PARD3: variants seen among roughly 807,000 people sequenced by gnomAD.
PARD3 encodes par-3 family cell polarity regulator, also known as partitioning defective 3 homolog.
A neutral mutation model predicts 155.4 loss-of-function variants in PARD3; 75 were observed. The ratio of observed to expected loss-of-function variants is 0.48; its 90% CI spans 0.40 to 0.58. PARD3 has a LOEUF of 0.58. Ranked by LOEUF, PARD3 falls within the 20% of genes least tolerant of loss-of-function variation. PARD3 has a pLI of 0.00. For missense variants in PARD3, 1,642 were observed against 1,721.7 expected, an observed-to-expected ratio of 0.95 and a Z score of 0.82; for synonymous variants, 576 against 610.5, an observed-to-expected ratio of 0.94 and a Z score of 0.83.
intron 22 of PARD3, among the ~76,000 whole-genome samples, chr10:34,155,005 A>G (rs1948940774): frequency 1.3e-5 from 2 of 152,242 alleles, no homozygotes; most frequent in African/African-American, 4.8e-5. Flanking sequence ...AATAATAGAC[A>G]AGACATTAAG....
At chr10:34,526,517 G>A (rs1329756152) in intron 2 of PARD3, among the ~76,000 whole-genome samples, 1 of 152,184 alleles carries the variant, frequency 6.6e-6, no homozygotes, top group Non-Finnish European at 1.5e-5. Flanking sequence ...CACAAAAACA[G>A]AGCTGAGATC....
chr10:34,658,770 C>G (rs967288341), intron 2 of PARD3, among the ~76,000 whole-genome samples: 1 of 152,146 alleles, frequency 6.6e-6, no homozygotes, highest in Non-Finnish European at 1.5e-5. Flanking sequence ...GCAAAGGAGA[C>G]GTCTCCTCGA....
In PARD3 at chr10:34,318,761, T is replaced by G. The variant is rs114612158; in HGVS notation, c.2834-1423A>C. On this transcript the variant is annotated intron_variant, in intron 19 of 24. Transcript: ENST00000374788. ...TAATGCAAAAAACAAAGCTCAGAAT[T>G]TTTTTATTTTTTTTATTTTTTTGAG... Among the ~76,000 whole-genome samples, 404 of 152,080 alleles carry G rather than the reference T, an allele frequency of 2.7e-3. 2 individuals carry two copies. Among genetic ancestry groups the G allele is most frequent in the African/African-American group, 9.2e-3 (380 of 41,472 alleles).
chr10:34,373,984 T>G (rs567737902), intron 11 of PARD3, among the ~76,000 whole-genome samples: 2 of 152,222 alleles, frequency 1.3e-5, no homozygotes, highest in South Asian at 4.1e-4. Flanking sequence ...ATTATACAAA[T>G]TAATTTTTGT....
At chr10:34,502,196 G>C (rs1435441131) in intron 3 of PARD3, among the ~76,000 whole-genome samples, 1 of 152,198 alleles carries the variant, frequency 6.6e-6, no homozygotes, top group Non-Finnish European at 1.5e-5. Context: ...GGCTCATTTG[G>C]ATGATCCTGA....
At chr10:34,809,481 G>A (rs1171651451) in intron 1 of PARD3, among the ~76,000 whole-genome samples, 1 of 152,212 alleles carries the variant, frequency 6.6e-6, no homozygotes, top group Non-Finnish European at 1.5e-5. Flanking sequence ...AGCAGCTTGG[G>A]ATGGAGAGCC....
intron 12 of PARD3, among the ~76,000 whole-genome samples, chr10:34,371,722 T>A (rs1408039413): frequency 6.6e-6 from 1 of 152,008 alleles, no homozygotes; most frequent in Non-Finnish European, 1.5e-5. Context: ...AAATTTTCCA[T>A]TTACGATAGT....
chr10:34,752,437 A>C (rs1333125525), intron 1 of PARD3, among the ~76,000 whole-genome samples: 1 of 152,154 alleles, frequency 6.6e-6, no homozygotes, highest in Non-Finnish European at 1.5e-5. Flanking sequence ...TGCACTGACT[A>C]CTGCACTACT....
intron 2 of PARD3, among the ~76,000 whole-genome samples, chr10:34,541,280 AG>A (rs1936660151): frequency 6.6e-6 from 1 of 152,254 alleles, no homozygotes; most frequent in Non-Finnish European, 1.5e-5. Flanking sequence ...TGCAAAGAGA[AG>A]GGAAGAACTT....
chr10:34,431,881 C>T (rs560688828), intron 5 of PARD3, among the ~76,000 whole-genome samples: 186 of 147,804 alleles, frequency 1.3e-3, no homozygotes, highest in Non-Finnish European at 2.3e-3. Flanking sequence ...AACCCCGTAT[C>T]TACTAAAAAA....
At chr10:34,389,721 A>T (rs1842699104) in intron 7 of PARD3, among the ~76,000 whole-genome samples, 1 of 151,898 alleles carries the variant, frequency 6.6e-6, no homozygotes, top group Admixed American at 6.5e-5. Context: ...AGTACAGCCC[A>T]TGGGGGGCCA....
intron 5 of PARD3, among the ~76,000 whole-genome samples, chr10:34,442,176 T>C (rs142360407): frequency 6.2e-4 from 94 of 152,322 alleles, no homozygotes; most frequent in African/African-American, 2.1e-3. Context: ...TTTAACCAAA[T>C]AATATGAACA....
At chr10:34,315,941 T>G (rs372853041) in intron 20 of PARD3, among the ~76,000 whole-genome samples, 1 of 152,216 alleles carries the variant, frequency 6.6e-6, no homozygotes, top group African/African-American at 2.4e-5. Flanking sequence ...TTCTATGCAC[T>G]TAATCAGACA....
At chr10:34,502,882 C>T (rs78858504) in intron 3 of PARD3, among the ~76,000 whole-genome samples, 2,350 of 152,274 alleles carry the variant, frequency 0.015, 59 homozygotes, top group African/African-American at 0.054. Flanking sequence ...TCTTTTCTGG[C>T]AGAAGCACAG....
intron 22 of PARD3, among the ~76,000 whole-genome samples, chr10:34,150,381 G>A (rs148235497): frequency 1.7e-3 from 258 of 152,310 alleles, no homozygotes; most frequent in Middle Eastern, 3.4e-3. Flanking sequence ...GGAAGTGGAT[G>A]AAATCACAGT....
intron 22 of PARD3, among the ~76,000 whole-genome samples, chr10:34,143,980 C>T (rs182791741): frequency 6.2e-4 from 94 of 151,640 alleles, no homozygotes; most frequent in African/African-American, 2.2e-3. Flanking sequence ...TACAACTTGG[C>T]CATTATTTAT....
chr10:34,421,522 C>T (rs764572874), intron 5 of PARD3, among the ~76,000 whole-genome samples: 2 of 151,780 alleles, frequency 1.3e-5, no homozygotes, highest in South Asian at 2.1e-4. Context: ...GAATCACTAC[C>T]GCTTGAAGTA....
chr10:34,186,010 G>C (rs922157696), intron 22 of PARD3, among the ~76,000 whole-genome samples: 2 of 151,910 alleles, frequency 1.3e-5, no homozygotes, highest in African/African-American at 2.4e-5. Flanking sequence ...GGAGTTGAGC[G>C]GCATGTGTAA....
rs72788229 is a variant in PARD3, at chr10:34,295,438, T to C, written c.3066-11193A>G. ...CATCCCATTTCCATCTTCTCAGAAC[T>C]GTCACGTCTGCACTGCCTGCTGTGT... On this transcript the variant is annotated intron_variant, in intron 20 of 24. Coordinates refer to ENST00000374788, the MANE Select transcript of PARD3 (RefSeq NM_001184785.2). 6.9e-3 allele frequency among the ~76,000 whole-genome samples: 1,050 copies of C among 152,300 alleles called. 12 individuals are homozygous for C. The highest frequency in any genetic ancestry group is 0.033 in the South Asian group (157 of 4,818).
Sources: gnomAD v4.1 joint callset for allele counts (sites outside exome capture counted in the v4.1 genomes callset) on GRCh38, gnomAD v4.1.1 for gene constraint, MANE v1.5 for transcripts, NCBI Gene and HGNC (gene_info 2026-07-23, HGNC 2026-07-21) for gene names.